The following PAK5 variants were observed in gnomAD, a reference collection of about 807,000 sequenced individuals.
PAK5 encodes the protein p21 (RAC1) activated kinase 5, also known as serine/threonine-protein kinase PAK 5.
In PAK5, 16 loss-of-function variants were observed where a neutral mutation model predicts 65.9. The observed-to-expected ratio is 0.24, with a 90% CI of 0.16 to 0.37. PAK5 has a LOEUF of 0.37. Ranked by LOEUF, PAK5 falls within the 10% of genes least tolerant of loss-of-function variation. PAK5 has a pLI of 1.00. For missense variants in PAK5, 785 were observed against 903.9 expected (o/e 0.87, Z 1.69); for synonymous variants, 371 against 354.9 (o/e 1.05, Z -0.51).
intron 3 of PAK5, among the ~76,000 whole-genome samples, chr20:9,635,894 C>G (rs1369700889): frequency 6.6e-6 from 1 of 152,174 alleles, no homozygotes; most frequent in Admixed American, 6.5e-5. Context: ...CATGAGGGGG[C>G]AGCCCCAGCT....
At chr20:9,796,543 A>G (rs1002694853) in intron 1 of PAK5, among the ~76,000 whole-genome samples, 1 of 152,134 alleles carries the variant, frequency 6.6e-6, no homozygotes, top group Non-Finnish European at 1.5e-5. Context: ...GAAAAGTTTA[A>G]ATTTTATTCC....
intron 1 of PAK5, among the ~76,000 whole-genome samples, chr20:9,716,005 C>T (rs1341611136): frequency 6.6e-6 from 1 of 151,956 alleles, no homozygotes; most frequent in African/African-American, 2.4e-5. Flanking sequence ...TGTAACAAAC[C>T]TGCACATTGT....
chr20:9,578,355 A>G (rs540642079), intron 4 of PAK5, among the ~76,000 whole-genome samples: 1 of 152,330 alleles, frequency 6.6e-6, no homozygotes, highest in South Asian at 2.1e-4. Flanking sequence ...AAAAGAGAGA[A>G]GACTGAAACT....
intron 4 of PAK5, among the ~76,000 whole-genome samples, chr20:9,568,767 G>T (rs932797599): frequency 2.0e-5 from 3 of 152,172 alleles, no homozygotes; most frequent in Non-Finnish European, 4.4e-5. Flanking sequence ...AGGAGCTCAA[G>T]GCTGCAGTGA....
chr20:9,668,831 A>G (rs2047454421), intron 2 of PAK5, among the ~76,000 whole-genome samples: 1 of 152,178 alleles, frequency 6.6e-6, no homozygotes, highest in Admixed American at 6.5e-5. Context: ...GCAGTTACCT[A>G]AGTGCAGAAA....
intron 3 of PAK5, among the ~76,000 whole-genome samples, chr20:9,602,101 G>A (rs961484320): frequency 4.6e-5 from 7 of 151,898 alleles, no homozygotes; most frequent in African/African-American, 1.7e-4. Flanking sequence ...GACCATCCTG[G>A]TCAACATAGT....
rs2048587344 is a variant in PAK5 at position 9,752,411 on chromosome 20, A to C, written c.-161-40976T>G. On this transcript the variant is annotated intron_variant, in intron 1 of 9. Transcript: ENST00000353224. ...AAAAATCATCATGCCTGCTGTGTGA[A>C]GAACGGATTAGGGATGGCCAAGAGT... 4.6e-5 allele frequency among the ~76,000 whole-genome samples: 7 copies of C among 152,118 alleles called. No homozygotes were observed. The South Asian group carries it at 1.4e-3, about 31-fold the overall frequency.
At chr20:9,765,390 G>A (rs1249094598) in intron 1 of PAK5, among the ~76,000 whole-genome samples, 1 of 152,056 alleles carries the variant, frequency 6.6e-6, no homozygotes, top group East Asian at 1.9e-4. Flanking sequence ...AATAATTGGT[G>A]CAAAAATACT....
At chr20:9,703,419 T>G (rs1345633548) in intron 2 of PAK5, among the ~76,000 whole-genome samples, 1 of 152,098 alleles carries the variant, frequency 6.6e-6, no homozygotes, top group Non-Finnish European at 1.5e-5. Flanking sequence ...CCCAGAGAGC[T>G]ATTCCTTTTC....
At chr20:9,737,471 A>G (rs1030881219) in intron 1 of PAK5, among the ~76,000 whole-genome samples, 9 of 152,220 alleles carry the variant, frequency 5.9e-5, no homozygotes, top group African/African-American at 1.9e-4. Context: ...GCCTAAAAAC[A>G]GAGTTTCAAA....
At chr20:9,576,580 T>C (rs77608387) in intron 4 of PAK5, among the ~76,000 whole-genome samples, 155 of 152,336 alleles carry the variant, frequency 1.0e-3, no homozygotes, top group African/African-American at 3.7e-3. Context: ...AAGGGGATGA[T>C]GCAACCTAGT....
intron 1 of PAK5, among the ~76,000 whole-genome samples, chr20:9,801,322 TA>T (rs1209649359): frequency 1.3e-5 from 2 of 151,998 alleles, no homozygotes; most frequent in Non-Finnish European, 2.9e-5. Flanking sequence ...AATGTCAAAA[TA>T]TTTATATAGA....
At chr20:9,767,283 G>A (rs2048779547) in intron 1 of PAK5, among the ~76,000 whole-genome samples, 1 of 152,130 alleles carries the variant, frequency 6.6e-6, no homozygotes, top group African/African-American at 2.4e-5. Flanking sequence ...ACCTATTTAA[G>A]TGAATAATGT....
chr20:9,655,451 TA>T (rs904158651), intron 2 of PAK5, among the ~76,000 whole-genome samples: 162 of 150,198 alleles, frequency 1.1e-3, no homozygotes, highest in African/African-American at 3.6e-3. Flanking sequence ...GGTGTTATGT[TA>T]AAAAAAAATA....
intron 1 of PAK5, among the ~76,000 whole-genome samples, chr20:9,798,998 CATAAATGCAAAGAAGGG>C (rs1315611288): frequency 6.6e-6 from 1 of 152,030 alleles, no homozygotes; most frequent in East Asian, 1.9e-4. Flanking sequence ...GAGAGCTTTG[CATAAATGCAAAGAAGGG>C]AAAGGAAAGA....
At chr20:9,546,903 T>C (rs1006655405) in intron 7 of PAK5, among the ~76,000 whole-genome samples, 3 of 152,174 alleles carry the variant, frequency 2.0e-5, no homozygotes, top group African/African-American at 7.2e-5. Context: ...GTGGTGAATA[T>C]GATAATGATG....
At chr20:9,681,285 G>C (rs1047864912) in intron 2 of PAK5, among the ~76,000 whole-genome samples, 5 of 151,824 alleles carry the variant, frequency 3.3e-5, no homozygotes. Flanking sequence ...TTATATTTAA[G>C]GGATGTCTTT....
At chr20:9,571,261 A>G (rs1252157104) in intron 4 of PAK5, among the ~76,000 whole-genome samples, 1 of 152,220 alleles carries the variant, frequency 6.6e-6, no homozygotes, top group Non-Finnish European at 1.5e-5. Flanking sequence ...AAGGTGCTGA[A>G]CCATTGCCTT....
chr20:9,551,575 A>C (rs1228562944), intron 7 of PAK5, among the ~76,000 whole-genome samples: 1 of 152,190 alleles, frequency 6.6e-6, no homozygotes, highest in Non-Finnish European at 1.5e-5. Flanking sequence ...ACAGGTTTAA[A>C]GATAGAATGT....
Sources: allele counts gnomAD v4.1 joint callset (sites outside exome capture counted in the v4.1 genomes callset), GRCh38; gene constraint gnomAD v4.1.1; transcripts MANE v1.5; gene names NCBI Gene and HGNC (gene_info 2026-07-23, HGNC 2026-07-21).